The following DCDC2 variants were observed in gnomAD, a reference collection of about 807,000 sequenced individuals.
DCDC2 encodes doublecortin domain-containing protein 2.
In DCDC2, 40 loss-of-function variants were observed where a neutral mutation model predicts 50.2. That is an observed-to-expected ratio of 0.80 (90% CI 0.62 to 1.04). The LOEUF is 1.04. Ranked by LOEUF, DCDC2 falls within the 50% of genes least tolerant of loss-of-function variation. The pLI is 0.00. For missense variants in DCDC2, 570 were observed against 581.9 expected (o/e 0.98, Z 0.21); for synonymous variants, 234 against 210.6 (o/e 1.11, Z -0.96).
rs141747339 is a variant in DCDC2 at position 24,178,053 on chromosome 6, T to C, written c.1326+277A>G. ...TGTTCTTAGAAGGCTCTGTACATTT[T>C]CTTGTAAAATTAGGCAGGAGGTAAG... On this transcript the variant is annotated intron_variant, in intron 9 of 9. Transcript: ENST00000378454. Among the ~76,000 whole-genome samples, 734 of 152,336 alleles carry C rather than the reference T, an allele frequency of 4.8e-3. 5 individuals carry two copies. Among genetic ancestry groups the C allele is most frequent in the African/African-American group, 0.016 (681 of 41,586 alleles).
At chr6:24,307,307 A>C (rs1759490788) in intron 2 of DCDC2, among the ~76,000 whole-genome samples, 1 of 152,220 alleles carries the variant, frequency 6.6e-6, no homozygotes, top group Non-Finnish European at 1.5e-5. Flanking sequence ...ACAAAATTGT[A>C]ATGACCACAA....
chr6:24,364,123 C>T, the DCDC2 span, among the ~76,000 whole-genome samples: 320 of 152,246 alleles, frequency 2.1e-3, 2 homozygotes, highest in African/African-American at 7.2e-3. Context: ...TTCCAACTCC[C>T]TCTATAGATC....
chr6:24,262,848 C>A (rs1001715916), intron 7 of DCDC2, among the ~76,000 whole-genome samples: 14 of 152,248 alleles, frequency 9.2e-5, no homozygotes, highest in African/African-American at 3.4e-4. Context: ...CAACTGCTGA[C>A]TGAACAGCCC....
chr6:24,273,569 T>C (rs1306620352), intron 7 of DCDC2, among the ~76,000 whole-genome samples: 3 of 152,226 alleles, frequency 2.0e-5, no homozygotes, highest in Admixed American at 6.5e-5. Context: ...TGGTGCCTTC[T>C]TACATATTTG....
At chr6:24,242,180 T>C (rs999645408) in intron 7 of DCDC2, among the ~76,000 whole-genome samples, 2 of 152,116 alleles carry the variant, frequency 1.3e-5, no homozygotes, top group African/African-American at 4.8e-5. Flanking sequence ...TCTCAAAAAG[T>C]AGTCATAATA....
rs555057100 is a variant in DCDC2, at chr6:24,272,745, A to C, written c.922+5304T>G. The stretch of plus-strand genomic sequence containing the variant: ...GTTAGCAAGGATGCAGAGAAAGGGC[A>C]ATACCAATACACTGTGGGTGGGAAT... On this transcript the variant is annotated intron_variant, in intron 7 of 9. Coordinates refer to ENST00000378454, the MANE Select transcript of DCDC2 (RefSeq NM_016356.5). Among the ~76,000 whole-genome samples, 55 of 152,362 alleles carry C rather than the reference A, an allele frequency of 3.6e-4. No individual in the cohort carries two copies. In the South Asian group the frequency reaches 9.5e-3, roughly 26 times the overall value.
chr6:24,295,477 C>A (rs1763841499), intron 4 of DCDC2, among the ~76,000 whole-genome samples: 1 of 152,122 alleles, frequency 6.6e-6, no homozygotes, highest in Admixed American at 6.6e-5. Context: ...GGGCAGTCAT[C>A]AGGCAAGACA....
intron 7 of DCDC2, among the ~76,000 whole-genome samples, chr6:24,209,111 G>A (rs1761797859): frequency 6.6e-6 from 1 of 152,254 alleles, no homozygotes; most frequent in African/African-American, 2.4e-5. Flanking sequence ...CCCCTCTGTC[G>A]ATGCCATCGT....
At chr6:24,268,213 G>A (rs1037548656) in intron 7 of DCDC2, among the ~76,000 whole-genome samples, 2 of 152,106 alleles carry the variant, frequency 1.3e-5, no homozygotes, top group African/African-American at 2.4e-5. Flanking sequence ...TTGGCCAGGC[G>A]CGGTGACTCA....
Position 24,173,794 on chromosome 6 carries a change from T to C in DCDC2, c.*936A>G, listed in dbSNP as rs969033840. 5 of 152,220 alleles carry C rather than the reference T, an allele frequency of 3.3e-5. No individual in the cohort carries two copies. The highest frequency in any genetic ancestry group is 1.2e-4 in the African/African-American group (5 of 41,454). 9.4% of individuals were successfully genotyped at this position (152,220 alleles called of 1,614,324 possible). On this transcript the variant is annotated 3_prime_UTR_variant, in exon 10 of 10. Coordinates refer to ENST00000378454, the MANE Select transcript of DCDC2 (RefSeq NM_016356.5). ...GAAATAAGGCAAAAAACAAGTTAAA[T>C]TGAGCAGTCACAAACTCTTCATATA...
intron 8 of DCDC2, among the ~76,000 whole-genome samples, chr6:24,179,389 T>C (rs1935577565): frequency 6.8e-6 from 1 of 147,400 alleles, no homozygotes; most frequent in Non-Finnish European, 1.5e-5. Context: ...CTACTAAAAA[T>C]ACAAAAAAAT....
chr6:24,181,340 A>G (rs1455953332), intron 8 of DCDC2, among the ~76,000 whole-genome samples: 1 of 152,220 alleles, frequency 6.6e-6, no homozygotes, highest in Non-Finnish European at 1.5e-5. Flanking sequence ...AACAAAGAGA[A>G]TAACATTTCC....
chr6:24,181,790 G>T (rs559289811), intron 8 of DCDC2, among the ~76,000 whole-genome samples: 1 of 152,284 alleles, frequency 6.6e-6, no homozygotes, highest in South Asian at 2.1e-4. Context: ...AATCCCTGTT[G>T]TTTTTTACGG....
chr6:24,231,293 T>C (rs1021663628), intron 7 of DCDC2, among the ~76,000 whole-genome samples: 20 of 152,100 alleles, frequency 1.3e-4, no homozygotes, highest in Admixed American at 1.1e-3. Flanking sequence ...CTCACCCCCA[T>C]CACCAAGAGG....
intron 7 of DCDC2, among the ~76,000 whole-genome samples, chr6:24,261,655 T>TTC (rs987460294): frequency 6.6e-6 from 1 of 152,128 alleles, no homozygotes; most frequent in African/African-American, 2.4e-5. Flanking sequence ...AATAATATCC[T>TTC]TCCTTATTGA....
chr6:24,220,889 AGTGAGC>A (rs1762094194), intron 7 of DCDC2, among the ~76,000 whole-genome samples: 1 of 142,346 alleles, frequency 7.0e-6, no homozygotes, highest in African/African-American at 2.5e-5. Context: ...AGAGCGAGAG[AGTGAGC>A]GAGCGAGCGA....
At chr6:24,365,135 A>C in the DCDC2 span, among the ~76,000 whole-genome samples, 1 of 152,176 alleles carries the variant, frequency 6.6e-6, no homozygotes, top group Non-Finnish European at 1.5e-5. Context: ...GGCCTACCCC[A>C]GTTGGCTATA....
intron 9 of DCDC2, among the ~76,000 whole-genome samples, chr6:24,175,528 G>A (rs1760884418): frequency 6.6e-6 from 1 of 152,108 alleles, no homozygotes; most frequent in Non-Finnish European, 1.5e-5. Context: ...GTAGCTCCAG[G>A]TTCCCCAAAC....
At chr6:24,209,981 A>G (rs1405871819) in intron 7 of DCDC2, among the ~76,000 whole-genome samples, 2 of 150,730 alleles carry the variant, frequency 1.3e-5, no homozygotes, top group Non-Finnish European at 2.9e-5. Flanking sequence ...TATCTCATTT[A>G]CTTGATCTTT....
Sources: allele counts gnomAD v4.1 joint callset (sites outside exome capture counted in the v4.1 genomes callset), GRCh38; gene constraint gnomAD v4.1.1; transcripts MANE v1.5; gene names NCBI Gene and HGNC (gene_info 2026-07-23, HGNC 2026-07-21).